Variants in EEA1 observed in about 807,000 individuals in gnomAD.
EEA1 encodes early endosome antigen 1.
A neutral mutation model predicts 209.2 loss-of-function variants in EEA1; 111 were observed. The observed-to-expected ratio is 0.53, with a 90% confidence interval of 0.45 to 0.62. The LOEUF (loss-of-function observed/expected upper bound fraction) is 0.62. Among genes scored for constraint, EEA1 ranks in the 20% least tolerant of loss-of-function variants. The pLI, the probability that EEA1 is intolerant of heterozygous loss-of-function variation, is 0.00. For synonymous variants in EEA1, 536 were observed against 540.6 expected (o/e 0.99, Z 0.12); for missense variants, 1,343 against 1,530.8 (o/e 0.88, Z 2.05).
In EEA1 at chr12:92,814,566, C is replaced by T. The variant is rs1875684636; in HGVS notation, c.1930-1473G>A. On this transcript the variant is annotated intron_variant, in intron 15 of 28. Transcript: ENST00000322349. ...TTTGGGGGAAATTAAGTAATTGCTC[C>T]ACTAGTTTGCCTTATTTTAGAAAGG... Among the ~76,000 whole-genome samples, 3 of 126,912 alleles carry T rather than the reference C, an allele frequency of 2.4e-5. No homozygotes were observed. The Admixed American group carries it at 3.2e-4, about 13-fold the overall frequency. The allele number at this position is 126,912 out of a possible 152,430, so 83.3% of individuals were successfully genotyped here. A position where few individuals can be genotyped will look rare whatever the true frequency, so the allele number is the denominator to read the frequency against.
At chr12:92,789,345 C>A (rs567420997) in intron 21 of EEA1, among the ~76,000 whole-genome samples, 20 of 151,262 alleles carry the variant, frequency 1.3e-4, no homozygotes, top group Non-Finnish European at 2.5e-4. Flanking sequence ...GAAAAAAAAC[C>A]CAGATCTCAA....
In EEA1 at chr12:92,913,903, C is replaced by T. The variant is rs143476179; in HGVS notation, c.24+15140G>A. ...CTTCAACTCATGACCTCAGGTGATC[C>T]GCCCGCCTAGGCCTCCCAAAGTGCT... On this transcript the variant is annotated intron_variant, in intron 1 of 28. Transcript: ENST00000322349. Among the ~76,000 whole-genome samples the T allele has an allele frequency of 4.3e-3, 652 of 152,186 alleles. 4 individuals carry two copies. The highest frequency in any genetic ancestry group is 0.014 in the African/African-American group (599 of 41,536).
At chr12:92,858,712 G>T in intron 3 of EEA1, 1 of 741,716 alleles carries the variant, frequency 1.3e-6, no homozygotes. Flanking sequence ...TGTTTGGCAT[G>T]ATGAAGAGGT....
intron 2 of EEA1, among the ~76,000 whole-genome samples, chr12:92,872,135 T>C (rs1488196306): frequency 2.0e-5 from 3 of 147,506 alleles, no homozygotes; most frequent in African/African-American, 7.5e-5. Flanking sequence ...TGCAACCTCC[T>C]CCTCCCAGGT....
intron 2 of EEA1, chr12:92,879,435 C>T: frequency 2.5e-6 from 1 of 392,796 alleles, no homozygotes. Flanking sequence ...GATCAACATT[C>T]AAAAATCAAT....
At chr12:92,888,328 G>A (rs1487013417) in intron 2 of EEA1, among the ~76,000 whole-genome samples, 1 of 152,038 alleles carries the variant, frequency 6.6e-6, no homozygotes, top group Non-Finnish European at 1.5e-5. Context: ...CGCCTGTAAT[G>A]CCAGCACTTT....
chr12:92,907,622 C>T (rs1342351409), intron 1 of EEA1, among the ~76,000 whole-genome samples: 1 of 152,184 alleles, frequency 6.6e-6, no homozygotes, highest in African/African-American at 2.4e-5. Context: ...GCACTCTATA[C>T]CTCTACATCC....
rs1285007980 is a variant in EEA1, at chr12:92,877,113, TTTTTTTC to T, written c.118-12133_118-12127del. Among the ~76,000 whole-genome samples, 1,318 of 150,346 alleles carry T rather than the reference TTTTTTTC, an allele frequency of 8.8e-3. 17 individuals carry two copies. The highest frequency in any genetic ancestry group is 0.027 in the African/African-American group (1,089 of 40,902). On this transcript the variant is annotated intron_variant, in intron 2 of 28. Transcript: ENST00000322349. Reference sequence around the variant, plus strand: ...CATGTGCTGTCATGTCCAGCTAAATTTTTTTTCTTTTTTCTTTTTTCTTTTTTTTTTT... The same window carrying T: ...CATGTGCTGTCATGTCCAGCTAAATTTTTTTTCTTTTTTCTTTTTTTTTTT...
chr12:92,788,465 T>C (rs1040700689), intron 21 of EEA1, among the ~76,000 whole-genome samples: 2 of 152,262 alleles, frequency 1.3e-5, no homozygotes, highest in Non-Finnish European at 2.9e-5. Flanking sequence ...ATATAGTTTC[T>C]ACTCTTGGAA....
In EEA1 at chr12:92,835,479, T is replaced by C. The variant is rs1000295099; in HGVS notation, c.916-2629A>G. 15 of 256,258 alleles carry C rather than the reference T, an allele frequency of 5.9e-5. No homozygotes were observed. The Admixed American group carries it at 6.8e-4, about 12-fold the overall frequency. 15.9% of individuals were successfully genotyped at this position (256,258 alleles called of 1,614,324 possible). On this transcript the variant is annotated intron_variant, in intron 10 of 28. Coordinates refer to ENST00000322349, the MANE Select transcript of EEA1 (RefSeq NM_003566.4). ...CAGGTGGGAGTGCAGTGGCACAATATTGGCTCACTGCAAGCTCCACCTCCC... is the reference window on the plus strand; with the variant it reads ...CAGGTGGGAGTGCAGTGGCACAATACTGGCTCACTGCAAGCTCCACCTCCC...
chr12:92,788,161 C>T, intron 21 of EEA1, 112 bp from the exon 22 acceptor site: 1 of 806,070 alleles, frequency 1.2e-6, no homozygotes, highest in Non-Finnish European at 1.7e-6. Context: ...ATGAACTGTA[C>T]TTATGCCCCA....
At chr12:92,777,733 A>T (rs567657332) in intron 26 of EEA1, 70 bp from the exon 27 acceptor site, 83 of 1,450,628 alleles carry the variant, frequency 5.7e-5, no homozygotes, top group Admixed American at 2.8e-4. Flanking sequence ...GGGTATAGAT[A>T]ATGGACTACT....
intron 3 of EEA1, chr12:92,859,227 T>G: frequency 6.2e-7 from 1 of 1,613,016 alleles, no homozygotes; most frequent in South Asian, 1.1e-5. Context: ...ATGGCCACTT[T>G]GGTAGGGACA....
intron 12 of EEA1, among the ~76,000 whole-genome samples, chr12:92,827,330 G>T (rs917971757): frequency 6.6e-6 from 1 of 151,756 alleles, no homozygotes; most frequent in African/African-American, 2.4e-5. Context: ...CTCCAGCCAG[G>T]GTGACAGAGT....
At chr12:92,901,922 C>G (rs1177865473) in intron 1 of EEA1, among the ~76,000 whole-genome samples, 5 of 152,028 alleles carry the variant, frequency 3.3e-5, no homozygotes, top group Non-Finnish European at 5.9e-5. Flanking sequence ...CAAGGAGAAG[C>G]CCAAAAACAA....
chr12:92,778,022 G>T lies in EEA1; in HGVS notation c.3812C>A (p.Thr1271Lys), dbSNP rs187203462. Residue 1271 changes from threonine (T) to lysine (K), a missense_variant, in exon 26 of 29, where the codon ACG becomes AAG. Thr to Lys is a moderately conservative substitution (Grantham distance 78, BLOSUM62 -1). Coordinates refer to ENST00000322349, the MANE Select transcript of EEA1 (RefSeq NM_003566.4). ...QRRVSELEKQ[T>K]DDLRGEIAVL... The stretch of plus-strand genomic sequence containing the variant: ...TGCAATTTCACCCCGTAAGTCATCC[G>T]TTTGTTTCTCAAGCTCACTAACTCT... 8 of 1,613,206 alleles carry T rather than the reference G, an allele frequency of 5.0e-6. No homozygotes were observed. The highest frequency in any genetic ancestry group is 6.8e-6 in the Non-Finnish European group (8 of 1,179,530).
intron 22 of EEA1, among the ~76,000 whole-genome samples, chr12:92,785,505 T>C (rs1874092526): frequency 6.6e-6 from 1 of 152,216 alleles, no homozygotes; most frequent in African/African-American, 2.4e-5. Context: ...AGCCATCTCT[T>C]ATCCTAGTCT....
At chr12:92,819,161 T>C in intron 14 of EEA1, 147 bp downstream of exon 14, 1 of 603,310 alleles carries the variant, frequency 1.7e-6, no homozygotes, top group Non-Finnish European at 2.7e-6. Context: ...CCTCTTAAGG[T>C]ACATGAGATG....
chr12:92,830,615 C>A (rs1876584694), intron 11 of EEA1, among the ~76,000 whole-genome samples: 1 of 151,930 alleles, frequency 6.6e-6, no homozygotes, highest in African/African-American at 2.4e-5. Context: ...CTGAATGATA[C>A]AACAAAAGCA....
Sources: gnomAD v4.1 joint callset for allele counts (sites outside exome capture counted in the v4.1 genomes callset) on GRCh38, gnomAD v4.1.1 for gene constraint, MANE v1.5 for transcripts, NCBI Gene and HGNC (gene_info 2026-07-23, HGNC 2026-07-21) for gene names.